NFATC2: variants seen among roughly 807,000 people sequenced by gnomAD.
NFATC2 encodes nuclear factor of activated T-cells, cytoplasmic 2.
NFATC2 carries 22 observed loss-of-function variants against 87.3 expected under a neutral mutation model. The observed-to-expected ratio is 0.25, with a 90% confidence interval of 0.18 to 0.36. The LOEUF is 0.36. NFATC2 is among the 10% of genes least tolerant of loss of function. NFATC2 has a pLI of 1.00. For synonymous variants in NFATC2, 565 were observed against 542.2 expected, an observed-to-expected ratio of 1.04 and a Z score of -0.58; for missense variants, 1,149 against 1,259.1, an observed-to-expected ratio of 0.91 and a Z score of 1.32.
intron 1 of NFATC2, among the ~76,000 whole-genome samples, chr20:51,555,798 C>T (rs2076973403): frequency 6.6e-6 from 1 of 152,086 alleles, no homozygotes; most frequent in African/African-American, 2.4e-5. Flanking sequence ...GATTCCTCAC[C>T]ATTCAGGGGT....
rs141240648 is a variant in NFATC2, at chr20:51,405,823, G to T, written c.2723-7093C>A. Reference sequence around the variant, plus strand: ...GACTTGCCCAGAATTTTTCCGATCAGGTCTGGCTTTCAACTGTCTCCCAGA... The same window carrying T: ...GACTTGCCCAGAATTTTTCCGATCATGTCTGGCTTTCAACTGTCTCCCAGA... On this transcript the variant is annotated intron_variant, in intron 9 of 10. Coordinates refer to ENST00000371564, the MANE Select transcript of NFATC2 (RefSeq NM_012340.5). 1.6e-3 allele frequency among the ~76,000 whole-genome samples: 246 copies of T among 152,288 alleles called. 1 individual carries two copies. The highest frequency in any genetic ancestry group is 5.5e-3 in the African/African-American group (229 of 41,558).
intron 5 of NFATC2, among the ~76,000 whole-genome samples, chr20:51,458,448 T>G (rs1293896485): frequency 6.6e-6 from 1 of 151,808 alleles, no homozygotes; most frequent in Non-Finnish European, 1.5e-5. Flanking sequence ...GTTCTAGAGA[T>G]TCTGACTTAA....
At chr20:51,492,119 C>T (rs1047850678) in intron 3 of NFATC2, among the ~76,000 whole-genome samples, 11 of 152,060 alleles carry the variant, frequency 7.2e-5, no homozygotes, top group Admixed American at 3.9e-4. Context: ...CAAATCACCT[C>T]GGCCCCAAGG....
At chr20:51,498,322 T>C (rs905857090) in intron 3 of NFATC2, among the ~76,000 whole-genome samples, 3 of 152,198 alleles carry the variant, frequency 2.0e-5, no homozygotes, top group Non-Finnish European at 4.4e-5. Context: ...TCTCAACCGC[T>C]GTTCTTGAGA....
intron 1 of NFATC2, among the ~76,000 whole-genome samples, chr20:51,553,711 G>C (rs2076953909): frequency 6.7e-6 from 1 of 149,964 alleles, no homozygotes; most frequent in Non-Finnish European, 1.5e-5. Flanking sequence ...GGCAGGCTCA[G>C]TAAACCTGCC....
chr20:51,449,289 G>A (rs1029385754), intron 6 of NFATC2, among the ~76,000 whole-genome samples: 3 of 152,144 alleles, frequency 2.0e-5, no homozygotes, highest in Admixed American at 6.5e-5. Context: ...AAGGCGTCCC[G>A]GGCTGGGAGG....
At chr20:51,536,428 A>T (rs547173170) in intron 1 of NFATC2, among the ~76,000 whole-genome samples, 11 of 152,244 alleles carry the variant, frequency 7.2e-5, no homozygotes, top group African/African-American at 2.6e-4. Context: ...CAAGAACCTG[A>T]TCTCACTGGT....
chr20:51,402,909 A>C (rs979058249), intron 9 of NFATC2, among the ~76,000 whole-genome samples: 45 of 152,204 alleles, frequency 3.0e-4, no homozygotes, highest in African/African-American at 1.1e-3. Context: ...GATTCTTAGA[A>C]AGAATTCACT....
chr20:51,465,943 C>T (rs1444411877), intron 5 of NFATC2, among the ~76,000 whole-genome samples: 1 of 152,100 alleles, frequency 6.6e-6, no homozygotes, highest in Non-Finnish European at 1.5e-5. Context: ...TATTGGGAAG[C>T]CCACGATAAT....
chr20:51,561,667 G>T (rs768977347), intron 1 of NFATC2, among the ~76,000 whole-genome samples: 1 of 131,500 alleles, frequency 7.6e-6, no homozygotes, highest in Non-Finnish European at 1.5e-5. Flanking sequence ...CTCCTCCTCC[G>T]CGAATTTATT....
At chr20:51,393,647 A>ACCATGCTGTGTAGG (rs1248449305) in intron 10 of NFATC2, among the ~76,000 whole-genome samples, 3 of 152,292 alleles carry the variant, frequency 2.0e-5, no homozygotes, top group Non-Finnish European at 2.9e-5. Context: ...TGATAAGCTG[A>ACCATGCTGTGTAGG]CCATGCTGTG....
chr20:51,537,777 C>T (rs891929612), intron 1 of NFATC2, among the ~76,000 whole-genome samples: 1 of 152,212 alleles, frequency 6.6e-6, no homozygotes, highest in Non-Finnish European at 1.5e-5. Context: ...CATCAGGACT[C>T]CCACATCCTT....
At chr20:51,543,975 A>ATTTTTTTTTTT (rs11473264), upstream of NFATC2, among the ~76,000 whole-genome samples, 255 of 72,976 alleles carry the variant, frequency 3.5e-3, 36 homozygotes, top group African/African-American at 6.7e-3. Flanking sequence ...AGAATTCCTA[A>ATTTTTTTTTTT]TTTTTTTTTT....
chr20:51,468,835 T>C (rs1431280217), intron 5 of NFATC2, among the ~76,000 whole-genome samples: 1 of 152,120 alleles, frequency 6.6e-6, no homozygotes, highest in Non-Finnish European at 1.5e-5. Context: ...TGAGGAGCCA[T>C]CTAAACAGGG....
At chr20:51,421,078 AAAAAAAAAAAC>A (rs1980824368) in intron 9 of NFATC2, among the ~76,000 whole-genome samples, 2 of 150,886 alleles carry the variant, frequency 1.3e-5, no homozygotes, top group African/African-American at 4.9e-5. Context: ...TGTCTTAAAA[AAAAAAAAAAAC>A]AAAAAAAACT....
chr20:51,539,526 T>C (rs1202272080), intron 1 of NFATC2, among the ~76,000 whole-genome samples: 2 of 152,158 alleles, frequency 1.3e-5, no homozygotes, highest in Non-Finnish European at 2.9e-5. Context: ...CACTGTCCCA[T>C]GGGCTGGAGT....
rs1366262648 is a variant in NFATC2 at position 51,532,933 on chromosome 20, G to A, written c.131-8823C>T. On this transcript the variant is annotated intron_variant, in intron 1 of 10. Coordinates refer to ENST00000371564, the MANE Select transcript of NFATC2 (RefSeq NM_012340.5). ...TGGCCTGGGGGCTGGATGCCCCTCC[G>A]ATGGGCAGCAGGGCCACAGGGCTCC... is the stretch of plus-strand genomic sequence containing the variant. Among the ~76,000 whole-genome samples, 36 of 152,192 alleles carry A rather than the reference G, an allele frequency of 2.4e-4. 1 individual carries two copies. The highest frequency in any genetic ancestry group is 2.0e-3 in the Admixed American group (31 of 15,280).
chr20:51,518,615 C>T (rs2076392519), intron 2 of NFATC2, among the ~76,000 whole-genome samples: 1 of 152,014 alleles, frequency 6.6e-6, no homozygotes, highest in African/African-American at 2.4e-5. Flanking sequence ...AATGGACTAA[C>T]ATTATCAAAT....
chr20:51,496,332 T>G (rs1402560865), intron 3 of NFATC2, among the ~76,000 whole-genome samples: 1 of 152,138 alleles, frequency 6.6e-6, no homozygotes, highest in East Asian at 1.9e-4. Context: ...AAATGCCATC[T>G]GTGGACAGGC....
Sources: gnomAD v4.1 joint callset for allele counts (sites outside exome capture counted in the v4.1 genomes callset) on GRCh38, gnomAD v4.1.1 for gene constraint, MANE v1.5 for transcripts, NCBI Gene and HGNC (gene_info 2026-07-23, HGNC 2026-07-21) for gene names.